The following RBFOX1 variants were observed in gnomAD, a reference collection of about 807,000 sequenced individuals.
The protein encoded by RBFOX1 is RNA binding protein fox-1 homolog 1.
Under a neutral mutation model 57.7 loss-of-function variants are expected in RBFOX1, and 8 were observed. The ratio of observed to expected loss-of-function variants is 0.14; its 90% CI spans 0.08 to 0.25. The LOEUF (loss-of-function observed/expected upper bound fraction) is 0.25, where lower values mean the gene tolerates loss of function less well. Ranked by LOEUF, RBFOX1 falls within the 10% of genes least tolerant of loss-of-function variation. RBFOX1 has a pLI of 1.00. For synonymous variants in RBFOX1, 326 were observed against 222.4 expected (o/e 1.47, Z -4.15); for missense variants, 611 against 548.5 (o/e 1.11, Z -1.14).
At chr16:7,685,445 C>G (rs1397981852) in intron 14 of RBFOX1, among the ~76,000 whole-genome samples, 1 of 152,042 alleles carries the variant, frequency 6.6e-6, no homozygotes, top group East Asian at 1.9e-4. Flanking sequence ...TCATTAATTG[C>G]ATAGATTCAC....
chr16:6,584,886 A>G (rs73541305), intron 2 of RBFOX1, among the ~76,000 whole-genome samples: 3,899 of 152,274 alleles, frequency 0.026, 162 homozygotes, highest in African/African-American at 0.088. Context: ...ATGTCTGGTC[A>G]TGTTCTCTCT....
intron 1 of RBFOX1, among the ~76,000 whole-genome samples, chr16:5,398,170 C>A (rs1034525502): frequency 6.6e-6 from 1 of 152,146 alleles, no homozygotes; most frequent in Non-Finnish European, 1.5e-5. Context: ...AGGGTGGCAG[C>A]TTGGGCAAGT....
At chr16:7,016,047 C>G (rs187107571) in intron 3 of RBFOX1, among the ~76,000 whole-genome samples, 1 of 152,060 alleles carries the variant, frequency 6.6e-6, no homozygotes, top group African/African-American at 2.4e-5. Context: ...CCTAGTCACT[C>G]ATTGCAGTTA....
intron 13 of RBFOX1, among the ~76,000 whole-genome samples, chr16:7,667,884 G>C (rs962672239): frequency 4.6e-5 from 7 of 152,076 alleles, no homozygotes; most frequent in Non-Finnish European, 1.0e-4. Context: ...ATGTTGGCCA[G>C]GGTGGTCTGG....
chr16:7,193,924 G>A (rs547022946), intron 4 of RBFOX1, among the ~76,000 whole-genome samples: 1 of 151,902 alleles, frequency 6.6e-6, no homozygotes, highest in East Asian at 1.9e-4. Context: ...AGTAGCAGTT[G>A]AAAATATAGT....
Position 5,880,560 on chromosome 16 carries a change from A to T in RBFOX1, c.351+13225A>T, listed in dbSNP as rs1171466890. On this transcript the variant is annotated intron_variant, in intron 4 of 19. Transcript: ENST00000641259. Reference sequence around the variant, plus strand: ...GAATAATATTAGCTTTGCTTTGTAGATGCATTATTAGAGGGTCTAGGAGGC... The same window carrying T: ...GAATAATATTAGCTTTGCTTTGTAGTTGCATTATTAGAGGGTCTAGGAGGC... Among the ~76,000 whole-genome samples the T allele has an allele frequency of 2.0e-5, 3 of 152,164 alleles. No individual in the cohort carries two copies. In the East Asian group the frequency reaches 5.8e-4, roughly 29 times the overall value.
intron 2 of RBFOX1, among the ~76,000 whole-genome samples, chr16:6,515,075 A>G (rs1323493123): frequency 1.3e-5 from 2 of 152,184 alleles, no homozygotes; most frequent in Non-Finnish European, 2.9e-5. Flanking sequence ...AAAAGAATGG[A>G]AGGAAGGAAA....
intron 4 of RBFOX1, among the ~76,000 whole-genome samples, chr16:7,155,126 A>T (rs532045740): frequency 1.9e-4 from 29 of 152,312 alleles, no homozygotes; most frequent in Non-Finnish European, 3.7e-4. Context: ...AAAGATAAAC[A>T]ACTGTTATCA....
chr16:6,770,256 C>G (rs1252555919), intron 3 of RBFOX1, among the ~76,000 whole-genome samples: 6 of 152,142 alleles, frequency 3.9e-5, no homozygotes, highest in Admixed American at 6.5e-5. Context: ...TACCACATCT[C>G]CACAGGCTCC....
chr16:5,980,216 C>G (rs186268502), intron 4 of RBFOX1, among the ~76,000 whole-genome samples: 88 of 152,354 alleles, frequency 5.8e-4, no homozygotes, highest in East Asian at 3.3e-3. Context: ...TCTCCTACCA[C>G]TGTTTGCATC....
intron 1 of RBFOX1, among the ~76,000 whole-genome samples, chr16:6,025,837 C>T (rs1211434080): frequency 6.6e-6 from 1 of 152,160 alleles, no homozygotes; most frequent in Non-Finnish European, 1.5e-5. Context: ...ATTCAGTTTT[C>T]CTCCCACATT....
intron 1 of RBFOX1, among the ~76,000 whole-genome samples, chr16:5,262,745 G>A (rs1304832567): frequency 6.6e-6 from 1 of 152,170 alleles, no homozygotes; most frequent in African/African-American, 2.4e-5. Flanking sequence ...TGCAAAGAGG[G>A]TTTGGGAAGA....
At chr16:6,168,971 G>C (rs1036381047) in intron 1 of RBFOX1, among the ~76,000 whole-genome samples, 2 of 152,094 alleles carry the variant, frequency 1.3e-5, no homozygotes, top group Non-Finnish European at 2.9e-5. Context: ...AATTGCCGTG[G>C]GGTGCTACAG....
chr16:7,014,056 C>G (rs149293617), intron 3 of RBFOX1, among the ~76,000 whole-genome samples: 2 of 152,140 alleles, frequency 1.3e-5, no homozygotes, highest in African/African-American at 2.4e-5. Context: ...ACAGTATTCA[C>G]TCAGTATATT....
At chr16:5,609,021 C>T (rs2047683543) in intron 3 of RBFOX1, among the ~76,000 whole-genome samples, 1 of 152,180 alleles carries the variant, frequency 6.6e-6, no homozygotes, top group Admixed American at 6.5e-5. Flanking sequence ...ACAAATATCA[C>T]ACATAGCTTT....
intron 14 of RBFOX1, among the ~76,000 whole-genome samples, chr16:7,699,789 G>A (rs1389930495): frequency 1.3e-5 from 2 of 151,558 alleles, no homozygotes; most frequent in African/African-American, 4.9e-5. Context: ...CATATGTCTT[G>A]CATGTGTGGC....
At chr16:6,696,135 A>G (rs17140942) in intron 3 of RBFOX1, among the ~76,000 whole-genome samples, 11,362 of 152,268 alleles carry the variant, frequency 0.075, 541 homozygotes, top group African/African-American at 0.14. Context: ...AATGGATCCT[A>G]TACTGCGTGT....
intron 2 of RBFOX1, among the ~76,000 whole-genome samples, chr16:6,333,627 A>C (rs1218600132): frequency 6.6e-6 from 1 of 152,220 alleles, no homozygotes; most frequent in Non-Finnish European, 1.5e-5. Flanking sequence ...TTAAAATTAA[A>C]AAATATATAT....
chr16:5,996,227 G>A (rs2060488149), intron 4 of RBFOX1, among the ~76,000 whole-genome samples: 1 of 152,052 alleles, frequency 6.6e-6, no homozygotes, highest in African/African-American at 2.4e-5. Context: ...CATTTTCCAC[G>A]AGCTCTTCTT....
Sources: allele counts gnomAD v4.1 joint callset (sites outside exome capture counted in the v4.1 genomes callset), GRCh38; gene constraint gnomAD v4.1.1; transcripts MANE v1.5; gene names NCBI Gene and HGNC (gene_info 2026-07-23, HGNC 2026-07-21).